Variants in LCP1 observed in about 807,000 individuals in gnomAD.
LCP1 encodes the protein lymphocyte cytosolic protein 1, also known as plastin-2.
Under a neutral mutation model 72.0 loss-of-function variants are expected in LCP1, and 23 were observed. That is an observed-to-expected ratio of 0.32 (90% CI 0.23 to 0.45). The LOEUF (loss-of-function observed/expected upper bound fraction) is 0.45, where lower values mean the gene tolerates loss of function less well. Among genes scored for constraint, LCP1 ranks in the 20% least tolerant of loss-of-function variants. The probability of loss-of-function intolerance (pLI) is 1.00; values close to 1 mark genes in which losing one functional copy is unlikely to be tolerated. For synonymous variants in LCP1, 245 were observed against 275.4 expected (o/e 0.89, Z 1.09); for missense variants, 571 against 748.3 (o/e 0.76, Z 2.76).
intron 14 of LCP1, among the ~76,000 whole-genome samples, chr13:46,131,517 G>A (rs1030139112): frequency 3.9e-5 from 6 of 152,054 alleles, no homozygotes; most frequent in African/African-American, 1.2e-4. Flanking sequence ...CATACTCAAA[G>A]GAAAATAAAT....
intron 10 of LCP1, among the ~76,000 whole-genome samples, chr13:46,146,606 A>T (rs894842495): frequency 1.3e-5 from 2 of 152,200 alleles, no homozygotes; most frequent in African/African-American, 2.4e-5. Flanking sequence ...TACGTAAATT[A>T]TCTTTTTGAA....
At chr13:46,169,331 G>A (rs2045893209) in intron 1 of LCP1, 1 of 152,204 alleles carries the variant, frequency 6.6e-6, no homozygotes, top group Non-Finnish European at 1.5e-5. Flanking sequence ...GCACTGTTCA[G>A]GTTTAGGCTG....
At chr13:46,164,770 G>A (rs1412469549) in intron 1 of LCP1, among the ~76,000 whole-genome samples, 2 of 152,140 alleles carry the variant, frequency 1.3e-5, no homozygotes, top group African/African-American at 4.8e-5. Flanking sequence ...GAGACAGAAG[G>A]AACCTCATAA....
Position 46,130,868 on chromosome 13 carries a change from T to C in LCP1, c.1697A>G (p.Tyr566Cys), listed in dbSNP as rs754053061. 1 of 1,613,652 alleles carries C rather than the reference T, an allele frequency of 6.2e-7. No homozygotes were observed. The highest frequency in any genetic ancestry group is 8.5e-7 in the Non-Finnish European group (1 of 1,179,814). The change falls in exon 15 of 16, where the codon TAT becomes TGT. Residue 566 changes from tyrosine (Y) to cysteine (C), a missense_variant. Physicochemically the swap from Tyr to Cys is radical, Grantham distance 194. Transcript: ENST00000323076. ...IDAIQPGSIN[Y>C]DLLKTENLND... is the part of the protein sequence containing the mutation. The stretch of plus-strand genomic sequence containing the variant: ...CAGATTTTCTGTCTTCAGAAGGTCA[T>C]AGTTAATGGAACCTGGTTGGATGGC...
At chr13:46,130,265 T>C (rs1221215363) in intron 15 of LCP1, among the ~76,000 whole-genome samples, 1 of 152,252 alleles carries the variant, frequency 6.6e-6, no homozygotes. Flanking sequence ...TCTGCTGTTA[T>C]AGCAGGGAAG....
intron 10 of LCP1, 57 bp downstream of exon 10, chr13:46,146,851 C>T: frequency 6.5e-7 from 1 of 1,538,532 alleles, no homozygotes; most frequent in Non-Finnish European, 9.0e-7. Context: ...TTTGAATTGC[C>T]ATTGAATTAG....
At position 46,166,334 on chromosome 13, in the gene LCP1, G is replaced by C. The variant is rs79293320; in HGVS notation, c.-24-6648C>G. ...ATGCTCAAGGGGTGGAATCATTTCT[G>C]AAAGATGGTAGTGCTGGGCTAGTCA... On this transcript the variant is annotated intron_variant, in intron 1 of 15. Coordinates refer to ENST00000323076, the MANE Select transcript of LCP1 (RefSeq NM_002298.5). 6.4e-3 allele frequency among the ~76,000 whole-genome samples: 972 copies of C among 152,282 alleles called. 9 individuals are homozygous for C. Among genetic ancestry groups the C allele is most frequent in the African/African-American group, 0.023 (939 of 41,554 alleles).
At chr13:46,133,617 C>T (rs1326520773) in intron 14 of LCP1, among the ~76,000 whole-genome samples, 1 of 150,936 alleles carries the variant, frequency 6.6e-6, no homozygotes, top group Non-Finnish European at 1.5e-5. Context: ...CAGAGTGAGA[C>T]CTTGTCACAA....
At chr13:46,149,192 T>G (rs980814398) in intron 8 of LCP1, among the ~76,000 whole-genome samples, 1 of 152,216 alleles carries the variant, frequency 6.6e-6, no homozygotes, top group Non-Finnish European at 1.5e-5. Flanking sequence ...GCATCTCAAT[T>G]TCTCATAAAG....
At chr13:46,154,764 C>A (rs1391389725) in intron 6 of LCP1, 41 bp downstream of exon 6, 1 of 1,539,774 alleles carries the variant, frequency 6.5e-7, no homozygotes, top group Non-Finnish European at 9.0e-7. Context: ...CTCATTGATG[C>A]CAAACAAATC....
chr13:46,182,135 G>C lies in LCP1; in HGVS notation c.-49C>G, dbSNP rs2045959027. The C allele has an allele frequency of 6.6e-6, 1 of 152,262 alleles. No individual in the cohort carries two copies. 9.4% of individuals were successfully genotyped at this position (152,262 alleles called of 1,614,324 possible). On this transcript the variant is annotated 5_prime_UTR_variant, in exon 1 of 16. Coordinates refer to ENST00000323076, the MANE Select transcript of LCP1 (RefSeq NM_002298.5). ...CCTTGCAGGAAAAAAGCTGTCCTTG[G>C]TAGTACTGGTGTATGACCAGGAACC...
chr13:46,147,467 A>C (rs538306057), intron 9 of LCP1, among the ~76,000 whole-genome samples: 8 of 152,222 alleles, frequency 5.3e-5, no homozygotes, highest in African/African-American at 1.9e-4. Context: ...CACAGATGAC[A>C]TGAGATTGTC....
chr13:46,161,733 T>A (rs751761264), intron 1 of LCP1, among the ~76,000 whole-genome samples: 1 of 152,156 alleles, frequency 6.6e-6, no homozygotes, highest in African/African-American at 2.4e-5. Context: ...GTAACTGAAA[T>A]AAGATGATGG....
intron 7 of LCP1, among the ~76,000 whole-genome samples, chr13:46,151,563 G>C (rs1197099642): frequency 1.3e-5 from 2 of 152,032 alleles, no homozygotes; most frequent in African/African-American, 2.4e-5. Flanking sequence ...TCTCCTCTAC[G>C]TTTTCCCAGA....
intron 1 of LCP1, among the ~76,000 whole-genome samples, chr13:46,180,175 C>G (rs1046408556): frequency 2.0e-5 from 3 of 152,270 alleles, no homozygotes; most frequent in South Asian, 4.1e-4. Flanking sequence ...TGCCCCCCAC[C>G]CCAACTGCCC....
intron 4 of LCP1, 100 bp from the exon 5 acceptor site, chr13:46,156,670 TG>T (rs1255274882): frequency 2.1e-5 from 27 of 1,287,154 alleles, no homozygotes; most frequent in Non-Finnish European, 3.0e-5. Flanking sequence ...AGCAGAGAGA[TG>T]TGAGTTTATT....
Position 46,142,354 on chromosome 13 carries a change from T to C in LCP1, c.1440A>G (p.Gly480=), listed in dbSNP as rs1403739968. 2 of 1,613,950 alleles carry C rather than the reference T, an allele frequency of 1.2e-6. No individual in the cohort carries two copies. Among genetic ancestry groups the C allele is most frequent in the Non-Finnish European group, 1.7e-6 (2 of 1,179,992 alleles). The change falls in exon 13 of 16, where the codon GGA becomes GGG. Residue 480 remains glycine (G), a synonymous_variant. Coordinates refer to ENST00000323076, the MANE Select transcript of LCP1 (RefSeq NM_002298.5). ...TGCGGTTTCCTTCATTGAGATCTTG[T>C]CCACCGATGCCAACCAGGGAGAACT... ...QAKFSLVGIG[G]QDLNEGNRTL...
At chr13:46,131,048 G>C (rs562817577) in intron 14 of LCP1, 110 bp from the exon 15 acceptor site, 601 of 1,119,324 alleles carry the variant, frequency 5.4e-4, no homozygotes, top group Non-Finnish European at 7.1e-4. Context: ...TATACAGCCT[G>C]GTCTGGGAAA....
intron 2 of LCP1, chr13:46,159,199 A>G: frequency 1.8e-6 from 1 of 566,564 alleles, no homozygotes; most frequent in Non-Finnish European, 3.1e-6. Context: ...ACAGTAAAAG[A>G]GTCATAATTT....
Sources: gnomAD v4.1 joint callset for allele counts (sites outside exome capture counted in the v4.1 genomes callset) on GRCh38, gnomAD v4.1.1 for gene constraint, MANE v1.5 for transcripts, NCBI Gene and HGNC (gene_info 2026-07-23, HGNC 2026-07-21) for gene names.